The following KIRREL3 variants were observed in gnomAD, a reference collection of about 807,000 sequenced individuals.
The protein encoded by KIRREL3 is kirre like nephrin family adhesion molecule 3, also known as kin of IRRE-like protein 3.
Under a neutral mutation model 89.7 loss-of-function variants are expected in KIRREL3, and 36 were observed. The observed-to-expected ratio is 0.40, with a 90% CI of 0.31 to 0.53. The LOEUF is 0.53. KIRREL3 is among the 20% of genes least tolerant of loss of function. KIRREL3 has a pLI of 0.49. For missense variants in KIRREL3, 864 were observed against 1,056.6 expected, an observed-to-expected ratio of 0.82 and a Z score of 2.53; for synonymous variants, 445 against 441.4, an observed-to-expected ratio of 1.01 and a Z score of -0.10.
At chr11:126,678,764 G>T (rs751721203) in intron 1 of KIRREL3, among the ~76,000 whole-genome samples, 1 of 152,160 alleles carries the variant, frequency 6.6e-6, no homozygotes, top group African/African-American at 2.4e-5. Flanking sequence ...ACCCATTGCC[G>T]TGGCTTCTGG....
rs1038073994 is a variant in KIRREL3 at position 126,909,476 on chromosome 11, C to T, written c.55+90979G>A. ...GCCTATTCCTTCAGCACGTGCTAAGCGCCGACTCTCAGGGCATGGCTCTGA... is the reference window on the plus strand; with the variant it reads ...GCCTATTCCTTCAGCACGTGCTAAGTGCCGACTCTCAGGGCATGGCTCTGA... On this transcript the variant is annotated intron_variant, in intron 1 of 16. Coordinates refer to ENST00000525144, the MANE Select transcript of KIRREL3 (RefSeq NM_032531.4). The surrounding 1 kb of genome is among the most constrained non-coding windows in gnomAD (Gnocchi z 4.5). Among the ~76,000 whole-genome samples the T allele has an allele frequency of 7.9e-5, 12 of 152,180 alleles. No individual in the cohort carries two copies. The highest frequency in any genetic ancestry group is 1.3e-4 in the Admixed American group (2 of 15,290).
chr11:126,460,706 C>A (rs118018065), intron 6 of KIRREL3, among the ~76,000 whole-genome samples: 2 of 152,316 alleles, frequency 1.3e-5, no homozygotes, highest in Admixed American at 6.5e-5. Context: ...CCCTGTTGAA[C>A]GATCTTCTGT....
At position 126,860,023 on chromosome 11, in the gene KIRREL3, G is replaced by A. The variant is rs1034663735; in HGVS notation, c.55+140432C>T. Among the ~76,000 whole-genome samples, 4 of 151,964 alleles carry A rather than the reference G, an allele frequency of 2.6e-5. No homozygotes were observed. The highest frequency in any genetic ancestry group is 6.6e-5 in the Admixed American group (1 of 15,254). ...CCTTTAGAGCTGTATTAACTCTGAC[G>A]TTCTACTATTGTCTGAGAAGCGTAA... is the stretch of plus-strand genomic sequence containing the variant. On this transcript the variant is annotated intron_variant, in intron 1 of 16. Coordinates refer to ENST00000525144, the MANE Select transcript of KIRREL3 (RefSeq NM_032531.4). This position sits in a 1 kb window ranked among gnomAD's most constrained non-coding sequence, Gnocchi z 4.6.
At chr11:126,894,871 C>T (rs1946087400) in intron 1 of KIRREL3, among the ~76,000 whole-genome samples, 1 of 152,130 alleles carries the variant, frequency 6.6e-6, no homozygotes, top group Admixed American at 6.5e-5. Flanking sequence ...GATACTTCTG[C>T]TGAGCTCTGA....
chr11:126,546,431 C>T (rs1380476647), intron 2 of KIRREL3, among the ~76,000 whole-genome samples: 1 of 152,212 alleles, frequency 6.6e-6, no homozygotes, highest in Non-Finnish European at 1.5e-5. Context: ...GGAGACTGAC[C>T]TCATCCTTCC....
In KIRREL3 at chr11:126,542,579, G is replaced by A. The variant is rs1938455886; in HGVS notation, c.134-15892C>T. Among the ~76,000 whole-genome samples, 3 of 152,154 alleles carry A rather than the reference G, an allele frequency of 2.0e-5. No homozygotes were observed. In the South Asian group the frequency reaches 6.2e-4, roughly 32 times the overall value. On this transcript the variant is annotated intron_variant, in intron 2 of 16. Transcript: ENST00000525144. ...TCTCTGCCTCCTACTCAGCTGAGGGGAGAACATCACCTCTGGGACTGGCCC... is the reference window on the plus strand; with the variant it reads ...TCTCTGCCTCCTACTCAGCTGAGGGAAGAACATCACCTCTGGGACTGGCCC...
intron 1 of KIRREL3, among the ~76,000 whole-genome samples, chr11:126,799,380 A>ATG (rs1950941242): frequency 8.5e-5 from 1 of 11,816 alleles, no homozygotes; most frequent in Non-Finnish European, 1.5e-4. Context: ...CTGTGTGTGC[A>ATG]TGCGTGTATC....
At chr11:126,629,801 G>C (rs1380992851) in intron 1 of KIRREL3, among the ~76,000 whole-genome samples, 5 of 152,194 alleles carry the variant, frequency 3.3e-5, no homozygotes, top group Admixed American at 3.3e-4. Flanking sequence ...GGTAAAGGTG[G>C]CTTCTCTAAA....
chr11:126,767,696 T>G (rs1212975794), intron 1 of KIRREL3, among the ~76,000 whole-genome samples: 4 of 152,144 alleles, frequency 2.6e-5, no homozygotes. Context: ...ATTAAATCAG[T>G]CAGCGGATAT....
intron 1 of KIRREL3, among the ~76,000 whole-genome samples, chr11:126,810,514 C>G (rs12287244): frequency 0.031 from 4,721 of 152,252 alleles, 78 homozygotes; most frequent in African/African-American, 0.044. Flanking sequence ...TTTCCAAGCT[C>G]TAACATGCTC....
intron 1 of KIRREL3, among the ~76,000 whole-genome samples, chr11:126,699,839 A>G (rs1178981799): frequency 6.6e-6 from 1 of 152,242 alleles, no homozygotes; most frequent in African/African-American, 2.4e-5. Context: ...ACTTTCACAT[A>G]CATTATCTCT....
intron 5 of KIRREL3, among the ~76,000 whole-genome samples, chr11:126,464,168 G>T (rs1282253186): frequency 2.6e-5 from 4 of 152,026 alleles, no homozygotes; most frequent in African/African-American, 9.7e-5. Flanking sequence ...GGTCATACTG[G>T]ATTCAGAGTG....
chr11:126,847,483 A>G (rs1301503471), intron 1 of KIRREL3, among the ~76,000 whole-genome samples: 3 of 152,134 alleles, frequency 2.0e-5, no homozygotes, highest in African/African-American at 7.2e-5. Flanking sequence ...TATAATCAAT[A>G]TAGGACCTTA....
rs531156341 is a variant in KIRREL3 at position 126,954,095 on chromosome 11, C to A, written c.55+46360G>T. ...ATTCTCCCCAGGGTCGGTCTGTGAG[C>A]GCCTCTAATACCCTATGTGGTTTCT... On this transcript the variant is annotated intron_variant, in intron 1 of 16. Transcript: ENST00000525144. This position sits in a 1 kb window ranked among gnomAD's most constrained non-coding sequence, Gnocchi z 4.1. 6.6e-6 allele frequency among the ~76,000 whole-genome samples: 1 copy of A among 151,824 alleles called. No homozygotes were observed. Among genetic ancestry groups the A allele is most frequent in the South Asian group, 2.1e-4 (1 of 4,780 alleles).
intron 1 of KIRREL3, among the ~76,000 whole-genome samples, chr11:126,960,442 A>G (rs76894024): frequency 2.0e-5 from 3 of 152,136 alleles, no homozygotes; most frequent in Non-Finnish European, 4.4e-5. Flanking sequence ...CCCAGTGCTC[A>G]CTCCCTGGGA....
In KIRREL3 at chr11:126,431,735, TTGG is replaced by T. The variant is rs1955140779; in HGVS notation, c.1589-212_1589-210del. Reference sequence around the variant, plus strand: ...AGACCAGGGTGGAGGACACAGGGGCTTGGTGGGTGGAGGAGAGGGCAGGGGAAC... The same window carrying T: ...AGACCAGGGTGGAGGACACAGGGGCTTGGGTGGAGGAGAGGGCAGGGGAAC... On this transcript the variant is annotated intron_variant, in intron 13 of 16. Coordinates refer to ENST00000525144, the MANE Select transcript of KIRREL3 (RefSeq NM_032531.4). The surrounding 1 kb of genome is among the most constrained non-coding windows in gnomAD (Gnocchi z 7.1). Among the ~76,000 whole-genome samples, 1 of 151,688 alleles carries T rather than the reference TTGG, an allele frequency of 6.6e-6. No individual in the cohort carries two copies. Among genetic ancestry groups the T allele is most frequent in the African/African-American group, 2.4e-5 (1 of 41,260 alleles).
intron 1 of KIRREL3, among the ~76,000 whole-genome samples, chr11:126,923,397 TTCTTCTTCTTCTTC>T (rs1438392752): frequency 0.045 from 3 of 66 alleles, no homozygotes; most frequent in East Asian, 0.17. Context: ...TTCCTCTTCT[TTCTTCTTCTTCTTC>T]CTTCTTCTTC....
At chr11:126,921,622 CTT>C (rs56860005) in intron 1 of KIRREL3, among the ~76,000 whole-genome samples, 35,832 of 107,288 alleles carry the variant, frequency 0.33, 9,394 homozygotes, top group Middle Eastern at 0.45. Flanking sequence ...ATCTATCTAT[CTT>C]CCTATCTATC....
At chr11:126,910,138 T>C (rs139953357) in intron 1 of KIRREL3, among the ~76,000 whole-genome samples, 2 of 152,272 alleles carry the variant, frequency 1.3e-5, no homozygotes, top group East Asian at 3.9e-4. Flanking sequence ...TCTTGGACTA[T>C]ACACACAGCT....
Sources: gnomAD v4.1 joint callset for allele counts (sites outside exome capture counted in the v4.1 genomes callset) on GRCh38, gnomAD v4.1.1 for gene constraint, Gnocchi (gnomAD v3.1) non-coding constraint, MANE v1.5 for transcripts, NCBI Gene and HGNC (gene_info 2026-07-23, HGNC 2026-07-21) for gene names.